Variants in DMC1 observed in about 807,000 individuals in gnomAD.
DMC1 encodes meiotic recombination protein DMC1 homolog.
A neutral mutation model predicts 50.1 loss-of-function variants in DMC1; 27 were observed. The observed-to-expected ratio is 0.54, with a 90% CI of 0.40 to 0.74. The LOEUF is 0.74. DMC1 is among the 30% of genes least tolerant of loss of function. The probability of loss-of-function intolerance (pLI) is 0.00; values close to 1 mark genes in which losing one functional copy is unlikely to be tolerated. For missense variants in DMC1, 295 were observed against 420.2 expected (o/e 0.70, Z 2.60); for synonymous variants, 148 against 136.1 (o/e 1.09, Z -0.61).
At position 38,521,695 on chromosome 22, in the gene DMC1, C is replaced by G; in HGVS notation, c.866G>C (p.Gly289Ala). 1 of 1,613,928 alleles carries G rather than the reference C, an allele frequency of 6.2e-7. No homozygotes were observed. Among genetic ancestry groups the G allele is most frequent in the Non-Finnish European group, 8.5e-7 (1 of 1,179,948 alleles). The change falls in exon 13 of 14, where the codon GGG becomes GCG. Residue 289 changes from glycine (G) to alanine (A), a missense_variant. Physicochemically the swap from Gly to Ala is moderately conservative, Grantham distance 60. Coordinates refer to ENST00000216024, the MANE Select transcript of DMC1 (RefSeq NM_007068.4). The part of the protein sequence containing the change: ...TFQADPKKPI[G>A]GHILAHASTT... ...TGAAGCATGAGCCAGAATGTGTCCC[C>G]CAATGGGTTTTTTGGGATCTGCCTG...
intron 13 of DMC1, among the ~76,000 whole-genome samples, chr22:38,520,644 C>T (rs2090014544): frequency 6.6e-6 from 1 of 152,074 alleles, no homozygotes; most frequent in Admixed American, 6.6e-5. Context: ...AGGCGTGAGC[C>T]ACTGCGCCTG....
rs539625531 is a variant in DMC1, at chr22:38,528,654, G to A, written c.837-6930C>T. The stretch of plus-strand genomic sequence containing the variant: ...TGCAAAAAATTAACCCGGTGTGGTG[G>A]CATGTGCCTGGTTCTGTGCTGCCTT... On this transcript the variant is annotated intron_variant, in intron 12 of 13. Coordinates refer to ENST00000216024, the MANE Select transcript of DMC1 (RefSeq NM_007068.4). 1.8e-3 allele frequency among the ~76,000 whole-genome samples: 267 copies of A among 152,096 alleles called. 2 individuals are homozygous for A. The highest frequency in any genetic ancestry group is 5.9e-3 in the African/African-American group (244 of 41,532).
At chr22:38,553,952 T>A (rs2090441596) in intron 6 of DMC1, among the ~76,000 whole-genome samples, 1 of 104,652 alleles carries the variant, frequency 9.6e-6, no homozygotes. Context: ...CGAGACTCCA[T>A]CTCCAAAAAA....
downstream of DMC1, among the ~76,000 whole-genome samples, chr22:38,514,301 GTGGCATGATCTC>G (rs1244140734): frequency 7.5e-6 from 1 of 133,336 alleles, no homozygotes; most frequent in Non-Finnish European, 1.5e-5. Flanking sequence ...CTGGAGTGCA[GTGGCATGATCTC>G]TGCTCACTGC....
intron 11 of DMC1, 92 bp from the exon 12 acceptor site, chr22:38,537,744 C>T: frequency 1.1e-6 from 1 of 884,480 alleles, no homozygotes; most frequent in Non-Finnish European, 1.8e-6. Context: ...AGACATATTG[C>T]ATCATGAATT....
At chr22:38,561,688 GTGAGGCCAGCATTT>G (rs1447659892) in intron 5 of DMC1, among the ~76,000 whole-genome samples, 1 of 152,122 alleles carries the variant, frequency 6.6e-6, no homozygotes, top group Non-Finnish European at 1.5e-5. Flanking sequence ...AATGTATCTT[GTGAGGCCAGCATTT>G]TGAGAAATAC....
At chr22:38,555,839 T>TTA (rs1569167595) in intron 5 of DMC1, among the ~76,000 whole-genome samples, 73 of 151,362 alleles carry the variant, frequency 4.8e-4, no homozygotes, top group African/African-American at 1.8e-3. Context: ...TATTATTATT[T>TTA]TTTTTTTTTC....
At chr22:38,566,448 TA>T in intron 4 of DMC1, 141 bp downstream of exon 4, 2 of 900,530 alleles carry the variant, frequency 2.2e-6, no homozygotes, top group Non-Finnish European at 3.5e-6. Context: ...ACTGAAGTGA[TA>T]AAAAGTTAAC....
chr22:38,539,541 G>T (rs1222984776), intron 8 of DMC1, 129 bp from the exon 9 acceptor site: 2 of 757,630 alleles, frequency 2.6e-6, no homozygotes, highest in Non-Finnish European at 4.6e-6. Context: ...GTATTCTAGA[G>T]GATGCTAGCA....
chr22:38,566,965 T>C (rs2090587134), intron 3 of DMC1, among the ~76,000 whole-genome samples: 1 of 152,206 alleles, frequency 6.6e-6, no homozygotes, highest in Non-Finnish European at 1.5e-5. Context: ...CCCAAGAATG[T>C]TAGTGAGACC....
chr22:38,549,906 C>A lies in DMC1; in HGVS notation c.494+19G>T, dbSNP rs1260193460. On this transcript the variant is annotated intron_variant, in intron 8 of 13. Transcript: ENST00000216024. ...CTATATCACACTATTATGTTAGCAA[C>A]TTTAAATAAAAAGGTTACAAAGTAT... is the stretch of plus-strand genomic sequence containing the variant. 10 of 1,585,492 alleles carry A rather than the reference C, an allele frequency of 6.3e-6. No homozygotes were observed. In the South Asian group the frequency reaches 8.9e-5, roughly 14 times the overall value.
chr22:38,535,410 C>CCACACACA lies in DMC1; in HGVS notation c.836+2174_836+2181dup, dbSNP rs141719568. ...GAGAAACAAAGGTGTATGTACACCTCCACACACACACACACACACACACAC... is the reference window on the plus strand; with the variant it reads ...GAGAAACAAAGGTGTATGTACACCTCCACACACACACACACACACACACACACACACAC... On this transcript the variant is annotated intron_variant, in intron 12 of 13. Transcript: ENST00000216024. Among the ~76,000 whole-genome samples, 267 of 148,024 alleles carry CCACACACA rather than the reference C, an allele frequency of 1.8e-3. 2 individuals are homozygous for CCACACACA. Among genetic ancestry groups the CCACACACA allele is most frequent in the South Asian group, 6.4e-3 (30 of 4,686 alleles).
chr22:38,534,565 T>C (rs532328783), intron 12 of DMC1, among the ~76,000 whole-genome samples: 74 of 149,758 alleles, frequency 4.9e-4, no homozygotes, highest in African/African-American at 1.7e-3. Context: ...TAGCCGGCCA[T>C]GGTGGCAGGC....
chr22:38,563,691 C>T (rs1440441053), intron 4 of DMC1, among the ~76,000 whole-genome samples: 1 of 151,812 alleles, frequency 6.6e-6, no homozygotes, highest in South Asian at 2.1e-4. Context: ...ACCCCTCCCC[C>T]ATCTCCACAA....
chr22:38,564,655 T>G lies in DMC1; in HGVS notation c.243+1935A>C, dbSNP rs572957027. 6.6e-5 allele frequency among the ~76,000 whole-genome samples: 10 copies of G among 152,286 alleles called. No homozygotes were observed. In the East Asian group the frequency reaches 1.7e-3, roughly 26 times the overall value. Reference sequence around the variant, plus strand: ...AATACAAATAAAAAAGAATAAACAGTTTAAGCTAAGAAAGGAGAAGATTCT... The same window carrying G: ...AATACAAATAAAAAAGAATAAACAGGTTAAGCTAAGAAAGGAGAAGATTCT... On this transcript the variant is annotated intron_variant, in intron 4 of 13. Coordinates refer to ENST00000216024, the MANE Select transcript of DMC1 (RefSeq NM_007068.4).
At chr22:38,563,594 C>T (rs1282806778) in intron 4 of DMC1, among the ~76,000 whole-genome samples, 1 of 152,118 alleles carries the variant, frequency 6.6e-6, no homozygotes, top group African/African-American at 2.4e-5. Flanking sequence ...TAGCTCACAC[C>T]TGTAATCCCA....
intron 8 of DMC1, among the ~76,000 whole-genome samples, chr22:38,547,218 G>A (rs143778518): frequency 6.6e-6 from 1 of 152,030 alleles, no homozygotes; most frequent in African/African-American, 2.4e-5. Flanking sequence ...ATTTCGTAGA[G>A]ACACTATGTT....
At chr22:38,530,345 T>C (rs2090140099) in intron 12 of DMC1, among the ~76,000 whole-genome samples, 2 of 146,026 alleles carry the variant, frequency 1.4e-5, no homozygotes, top group African/African-American at 5.0e-5. Flanking sequence ...AAGAGGTGGT[T>C]AAAAAAAAAA....
chr22:38,539,555 A>G (rs2090257531), intron 8 of DMC1, 143 bp from the exon 9 acceptor site: 1 of 718,572 alleles, frequency 1.4e-6, no homozygotes, highest in African/African-American at 1.8e-5. Flanking sequence ...GCTAGCAACC[A>G]TTTAAAGTCT....
Sources: allele counts gnomAD v4.1 joint callset (sites outside exome capture counted in the v4.1 genomes callset), GRCh38; gene constraint gnomAD v4.1.1; transcripts MANE v1.5; gene names NCBI Gene and HGNC (gene_info 2026-07-23, HGNC 2026-07-21).